The following ARID1A variants were observed in gnomAD, a reference collection of about 807,000 sequenced individuals.
The protein encoded by ARID1A is AT-rich interactive domain-containing protein 1A.
In ARID1A, 20 loss-of-function variants were observed where a neutral mutation model predicts 212.6. The ratio of observed to expected loss-of-function variants is 0.09; its 90% CI spans 0.07 to 0.14. ARID1A has a LOEUF of 0.14. Among genes scored for constraint, ARID1A ranks in the 10% least tolerant of loss-of-function variants. ARID1A has a pLI of 1.00. For missense variants in ARID1A, 2,587 were observed against 3,059.0 expected (o/e 0.85, Z 3.64); for synonymous variants, 1,376 against 1,222.1 (o/e 1.13, Z -2.63).
At chr1:26,709,243 T>C (rs1046225318) in intron 1 of ARID1A, among the ~76,000 whole-genome samples, 1 of 152,240 alleles carries the variant, frequency 6.6e-6, no homozygotes, top group African/African-American at 2.4e-5. Context: ...AATTCTAACA[T>C]GACTCCTGAT....
At position 26,763,088 on chromosome 1, in the gene ARID1A, T is replaced by C. The variant is rs778540035; in HGVS notation, c.2535T>C (p.Pro845=). ...MGAGGQMHGQ[P]GIPPYGTLPP... The stretch of plus-strand genomic sequence containing the variant: ...CCGGAGGTCAAATGCATGGACAGCC[T>C]GGCATCCCACCTTATGGCACACTCC... The change falls in exon 8 of 20, where the codon CCT becomes CCC. Residue 845 remains proline, a synonymous_variant. Transcript: ENST00000324856. The C allele has an allele frequency of 6.2e-7, 1 of 1,614,142 alleles. No homozygotes were observed. The highest frequency in any genetic ancestry group is 8.5e-7 in the Non-Finnish European group (1 of 1,180,044).
intron 4 of ARID1A, among the ~76,000 whole-genome samples, chr1:26,756,927 T>C (rs552112835): frequency 1.8e-3 from 273 of 152,098 alleles, no homozygotes; most frequent in Admixed American, 3.8e-3. Flanking sequence ...TGGTCTCGAT[T>C]TGCTGACCTT....
At position 26,763,195 on chromosome 1, in the gene ARID1A, C is replaced by CAGGGAT; in HGVS notation, c.2643_2648dup (p.Gly882_Met883insIleGly). ...GCCAATATGCCACCTCAGGTTGGGT[C>CAGGGAT]AGGGATGTGTCCCCCACCAGGGGGC... On this transcript the variant is annotated inframe_insertion, in exon 8 of 20. Transcript: ENST00000324856. 1 of 1,614,246 alleles carries CAGGGAT rather than the reference C, an allele frequency of 6.2e-7. No homozygotes were observed. Among genetic ancestry groups the CAGGGAT allele is most frequent in the Non-Finnish European group, 8.5e-7 (1 of 1,180,044 alleles).
intron 1 of ARID1A, among the ~76,000 whole-genome samples, chr1:26,698,741 A>G (rs1003581370): frequency 2.6e-5 from 4 of 152,176 alleles, no homozygotes; most frequent in African/African-American, 9.7e-5. Context: ...ATCTTGAGTA[A>G]TTTTGACACT....
intron 1 of ARID1A, among the ~76,000 whole-genome samples, chr1:26,707,440 C>T (rs1363093151): frequency 3.3e-5 from 5 of 151,914 alleles, no homozygotes; most frequent in Non-Finnish European, 5.9e-5. Flanking sequence ...AACTCCTGAG[C>T]TCGTGATCTA....
In ARID1A at chr1:26,696,026, G is replaced by T; in HGVS notation, c.-378G>T. The T allele has an allele frequency of 1.2e-6, 1 of 800,638 alleles. No individual in the cohort carries two copies. The highest frequency in any genetic ancestry group is 1.5e-6 in the Non-Finnish European group (1 of 667,380). 49.6% of individuals were successfully genotyped at this position (800,638 alleles called of 1,614,324 possible). A position where few individuals can be genotyped will look rare whatever the true frequency, so the allele number is the denominator to read the frequency against. On this transcript the variant is annotated 5_prime_UTR_variant, in exon 1 of 20. Transcript: ENST00000324856. ...TCCCTCCCTCCCTCCTCCTTTCTCC[G>T]GCAGCAGAAAGCGGAGAGTCACAGC...
At chr1:26,745,969 T>A (rs1475155254) in intron 4 of ARID1A, among the ~76,000 whole-genome samples, 2 of 152,148 alleles carry the variant, frequency 1.3e-5, no homozygotes, top group African/African-American at 4.8e-5. Flanking sequence ...GAGAATCGCT[T>A]GAACCTGGGA....
intron 11 of ARID1A, chr1:26,769,071 C>G (rs972913982): frequency 1.3e-4 from 20 of 152,272 alleles, no homozygotes; most frequent in Admixed American, 9.2e-4. Context: ...TGCCACATAA[C>G]TGGCATGAGA....
chr1:26,697,009 T>C lies in ARID1A; in HGVS notation c.606T>C (p.Ser202=), dbSNP rs1207297296. The change falls in exon 1 of 20, where the codon TCT becomes TCC. Residue 202 remains serine, a synonymous_variant. Coordinates refer to ENST00000324856, the MANE Select transcript of ARID1A (RefSeq NM_006015.6). ...CCTACGCGGGGCCCCAGCAGAACTCTCACGACCACGGCTTCCCCAACCACC... is the reference window on the plus strand; with the variant it reads ...CCTACGCGGGGCCCCAGCAGAACTCCCACGACCACGGCTTCCCCAACCACC... The part of the protein sequence containing the change: ...LEPYAGPQQN[S]HDHGFPNHQY... 3 of 1,530,084 alleles carry C rather than the reference T, an allele frequency of 2.0e-6. No homozygotes were observed. Among genetic ancestry groups the C allele is most frequent in the Non-Finnish European group, 1.8e-6 (2 of 1,142,516 alleles). 94.8% of individuals were successfully genotyped at this position (1,530,084 alleles called of 1,614,324 possible).
chr1:26,780,886 T>C lies in ARID1A; in HGVS notation c.*130T>C. The C allele has an allele frequency of 7.6e-7, 1 of 1,319,288 alleles. No homozygotes were observed. Among genetic ancestry groups the C allele is most frequent in the Non-Finnish European group, 1.0e-6 (1 of 979,928 alleles). The allele number at this position is 1,319,288 out of a possible 1,614,324, so 81.7% of individuals were successfully genotyped here. A position where few individuals can be genotyped will look rare whatever the true frequency, so the allele number is the denominator to read the frequency against. On this transcript the variant is annotated 3_prime_UTR_variant, in exon 20 of 20. Transcript: ENST00000324856. The surrounding 1 kb of genome is among the most constrained non-coding windows in gnomAD (Gnocchi z 7.2). ...ACCCTGTGCTGTCCAGCTTCTCCCT[T>C]GGGAAAAAGTCTCTCCTGTTTCTCT...
At chr1:26,725,554 A>T (rs1351841016) in intron 1 of ARID1A, among the ~76,000 whole-genome samples, 2 of 152,208 alleles carry the variant, frequency 1.3e-5, no homozygotes, top group Admixed American at 1.3e-4. Context: ...GTTGATCATA[A>T]GCCTTTTGTG....
chr1:26,777,120 A>G (rs2081143790), intron 19 of ARID1A, among the ~76,000 whole-genome samples: 1 of 152,160 alleles, frequency 6.6e-6, no homozygotes, highest in South Asian at 2.1e-4. Flanking sequence ...GCTGGAGTGT[A>G]GTAGTGCCCT....
Position 26,771,301 on chromosome 1 carries a change from G to T in ARID1A, c.3381G>T (p.Gln1127His). Residue 1127 changes from glutamine to histidine, a missense_variant, in exon 12 of 20, where the codon CAG becomes CAT. By Grantham distance (24) the Gln-to-His change is conservative. Around this residue, in one of 11 missense-constraint regions of ARID1A, gnomAD observed 890 missense variants for 1,098.2 expected, o/e 0.81. Coordinates refer to ENST00000324856, the MANE Select transcript of ARID1A (RefSeq NM_006015.6). This position sits in a 1 kb window ranked among gnomAD's most constrained non-coding sequence, Gnocchi z 5.4. The part of the protein sequence containing the change: ...IFAAADSKKS[Q>H]PKIQPPSPAG... ...CAGCTGCTGATTCCAAGAAGTCCCA[G>T]CCCAAGATCCAGCCTCCCTCTCCTG... 1 of 1,614,162 alleles carries T rather than the reference G, an allele frequency of 6.2e-7. No homozygotes were observed.
At chr1:26,765,924 CT>C in intron 8 of ARID1A, 1 of 313,776 alleles carries the variant, frequency 3.2e-6, no homozygotes, top group Non-Finnish European at 5.9e-6. Context: ...GCCTCATAGT[CT>C]TAGGCACTCA....
Position 26,773,122 on chromosome 1 carries a change from C to T in ARID1A, c.3715+135C>T. ...AATGCATTTCCTGCCCTAACTACCC[C>T]TCTTCATCCTTACCTCCTTTCTTGT... is the stretch of plus-strand genomic sequence containing the variant. On this transcript the variant is annotated intron_variant, in intron 14 of 19. Coordinates refer to ENST00000324856, the MANE Select transcript of ARID1A (RefSeq NM_006015.6). 3 of 1,301,484 alleles carry T rather than the reference C, an allele frequency of 2.3e-6. No homozygotes were observed. The South Asian group carries it at 4.5e-5, about 20-fold the overall frequency. The allele number at this position is 1,301,484 out of a possible 1,614,324, so 80.6% of individuals were successfully genotyped here. A position where few individuals can be genotyped will look rare whatever the true frequency, so the allele number is the denominator to read the frequency against.
intron 1 of ARID1A, among the ~76,000 whole-genome samples, chr1:26,698,701 G>A (rs769659695): frequency 1.3e-5 from 2 of 152,164 alleles, no homozygotes; most frequent in Admixed American, 1.3e-4. Flanking sequence ...TGGTATAAAT[G>A]ACTTCTTTGA....
At chr1:26,708,930 C>T (rs563511435) in intron 1 of ARID1A, among the ~76,000 whole-genome samples, 14 of 148,612 alleles carry the variant, frequency 9.4e-5, no homozygotes, top group East Asian at 6.2e-4. Context: ...CTGCTGATCT[C>T]GTGATCCGCC....
chr1:26,715,817 G>C (rs2080497159), intron 1 of ARID1A, among the ~76,000 whole-genome samples: 1 of 152,042 alleles, frequency 6.6e-6, no homozygotes, highest in African/African-American at 2.4e-5. Flanking sequence ...AGGCCAGCCT[G>C]GGCAATGTAG....
rs1437032275 is a variant in ARID1A, at chr1:26,771,659, A to G, written c.3406+333A>G. 1 of 357,640 alleles carries G rather than the reference A, an allele frequency of 2.8e-6. No homozygotes were observed. Among genetic ancestry groups the G allele is most frequent in the Non-Finnish European group, 5.3e-6 (1 of 190,384 alleles). The allele number at this position is 357,640 out of a possible 1,614,324, so 22.2% of individuals were successfully genotyped here. On this transcript the variant is annotated intron_variant, in intron 12 of 19. Transcript: ENST00000324856. This position sits in a 1 kb window ranked among gnomAD's most constrained non-coding sequence, Gnocchi z 5.4. ...CAGGGCCATCTGGGAGCTTTGGCCTATTGATGTCAGCACCTTAGAATGCAG... is the reference window on the plus strand; with the variant it reads ...CAGGGCCATCTGGGAGCTTTGGCCTGTTGATGTCAGCACCTTAGAATGCAG...
Sources: allele counts gnomAD v4.1 joint callset (sites outside exome capture counted in the v4.1 genomes callset), GRCh38; gene constraint gnomAD v4.1.1; regional missense constraint gnomAD v4.1.1; non-coding constraint Gnocchi (gnomAD v3.1); transcripts MANE v1.5; gene names NCBI Gene and HGNC (gene_info 2026-07-23, HGNC 2026-07-21).